The following ZCCHC14 variants were observed in gnomAD, a reference collection of about 807,000 sequenced individuals.
ZCCHC14 encodes the protein zinc finger CCHC-type containing 14, also known as zinc finger CCHC domain-containing protein 14.
A neutral mutation model predicts 85.0 loss-of-function variants in ZCCHC14; 16 were observed. That is an observed-to-expected ratio of 0.19 (90% CI 0.13 to 0.29). The LOEUF (loss-of-function observed/expected upper bound fraction) is 0.29. Among genes scored for constraint, ZCCHC14 ranks in the 10% least tolerant of loss-of-function variants. ZCCHC14 has a pLI of 1.00. For missense variants in ZCCHC14, 1,303 were observed against 1,443.5 expected, an observed-to-expected ratio of 0.90 and a Z score of 1.58; for synonymous variants, 775 against 630.7, an observed-to-expected ratio of 1.23 and a Z score of -3.43.
At chr16:87,443,520 G>C (rs1910284503) in intron 2 of ZCCHC14, among the ~76,000 whole-genome samples, 2 of 152,156 alleles carry the variant, frequency 1.3e-5, no homozygotes, top group Non-Finnish European at 1.5e-5. Context: ...AGAACTGCCT[G>C]AGCTGAGAAG....
chr16:87,437,555 G>A (rs1209737093), intron 2 of ZCCHC14, among the ~76,000 whole-genome samples: 1 of 152,214 alleles, frequency 6.6e-6, no homozygotes, highest in South Asian at 2.1e-4. Context: ...GGTCAGCACC[G>A]CACCCAGGCA....
At chr16:87,466,135 A>G (rs1462451281) in intron 1 of ZCCHC14, among the ~76,000 whole-genome samples, 1 of 144,674 alleles carries the variant, frequency 6.9e-6, no homozygotes, top group Non-Finnish European at 1.5e-5. Flanking sequence ...GCTTTTTTTT[A>G]AAAAAAGGTT....
intron 8 of ZCCHC14, among the ~76,000 whole-genome samples, chr16:87,416,309 T>C (rs1458145980): frequency 2.0e-5 from 3 of 152,328 alleles, no homozygotes; most frequent in South Asian, 2.1e-4. Context: ...GGCTACTCCA[T>C]TGTGTAGGCT....
intron 3 of ZCCHC14, among the ~76,000 whole-genome samples, chr16:87,429,107 C>A (rs1404737510): frequency 6.6e-6 from 1 of 152,166 alleles, no homozygotes; most frequent in South Asian, 2.1e-4. Flanking sequence ...TAAGAAACTG[C>A]CAGACTGTTT....
At chr16:87,454,408 C>T (rs1215097488) in intron 2 of ZCCHC14, among the ~76,000 whole-genome samples, 1 of 152,136 alleles carries the variant, frequency 6.6e-6, no homozygotes, top group African/African-American at 2.4e-5. Context: ...AGAAAAATGG[C>T]CCACGGCATA....
intron 2 of ZCCHC14, among the ~76,000 whole-genome samples, chr16:87,437,836 T>C (rs1223195217): frequency 6.6e-6 from 1 of 152,182 alleles, no homozygotes; most frequent in Non-Finnish European, 1.5e-5. Flanking sequence ...ACCAGTACTC[T>C]AACGTAGCAA....
At position 87,411,569 on chromosome 16, in the gene ZCCHC14, G is replaced by A. The variant is rs750201444; in HGVS notation, c.3152C>T (p.Thr1051Ile). Residue 1051 changes from threonine to isoleucine, a missense_variant, in exon 12 of 13, where the codon ACT (threonine) becomes ATT (isoleucine). By Grantham distance (89) the Thr-to-Ile change is moderately conservative. Coordinates refer to ENST00000671377, the MANE Select transcript of ZCCHC14 (RefSeq NM_015144.3). Reference sequence around the variant, plus strand: ...TTTGCAGTCCTGGGCGCGGTGACCAGTGGCCCCGCAGTTGTAACAAGATAG... The same window carrying A: ...TTTGCAGTCCTGGGCGCGGTGACCAATGGCCCCGCAGTTGTAACAAGATAG... Reference protein sequence around the residue: ...GNLSCYNCGATGHRAQDCKQP... With the variant: ...GNLSCYNCGAIGHRAQDCKQP... 6.2e-7 allele frequency: 1 copy of A among 1,613,740 alleles called. No homozygotes were observed. Among genetic ancestry groups the A allele is most frequent in the Non-Finnish European group, 8.5e-7 (1 of 1,180,032 alleles).
At position 87,419,852 on chromosome 16, in the gene ZCCHC14, C is replaced by T. The variant is rs1909000617; in HGVS notation, c.976G>A (p.Val326Met). Reference sequence around the variant, plus strand: ...CTCCTGACATGGTCATTTTTCAACACGTGAGAAGGTAATGAGGCCAGGTAC... The same window carrying T: ...CTCCTGACATGGTCATTTTTCAACATGTGAGAAGGTAATGAGGCCAGGTAC... ...LRYLASLPSH[V>M]LKNDHVRRFL... Residue 326 changes from valine to methionine, a missense_variant, in exon 6 of 13, where the codon GTG becomes ATG. Physicochemically the swap from Val to Met is conservative, Grantham distance 21. This residue lies in a region of ZCCHC14 where 389 missense variants were observed against 397.8 expected (regional missense o/e 0.98). Transcript: ENST00000671377. 1.2e-6 allele frequency: 2 copies of T among 1,612,178 alleles called. No individual in the cohort carries two copies. Among genetic ancestry groups the T allele is most frequent in the African/African-American group, 1.3e-5 (1 of 74,872 alleles).
chr16:87,414,666 T>C, intron 9 of ZCCHC14, 125 bp from the exon 10 acceptor site: 1 of 1,317,808 alleles, frequency 7.6e-7, no homozygotes, highest in South Asian at 1.5e-5. Flanking sequence ...TCGAGATGGG[T>C]CTACTCCACA....
intron 1 of ZCCHC14, chr16:87,467,159 A>G (rs1377767284): frequency 9.4e-6 from 12 of 1,271,692 alleles, no homozygotes; most frequent in Middle Eastern, 2.3e-4. Context: ...TGATAGATGA[A>G]AACTGTCTGC....
At chr16:87,475,469 C>T (rs1185375372) in intron 1 of ZCCHC14, among the ~76,000 whole-genome samples, 2 of 149,378 alleles carry the variant, frequency 1.3e-5, no homozygotes, top group East Asian at 2.0e-4. Context: ...AGGAGAATCG[C>T]TTGAACCCAG....
In ZCCHC14 at chr16:87,409,888, G is replaced by A. The variant is rs1908357418; in HGVS notation, c.*392C>T. 1 of 166,404 alleles carries A rather than the reference G, an allele frequency of 6.0e-6. No individual in the cohort carries two copies. Among genetic ancestry groups the A allele is most frequent in the African/African-American group, 2.4e-5 (1 of 41,956 alleles). The allele number at this position is 166,404 out of a possible 1,614,324, so 10.3% of individuals were successfully genotyped here. On this transcript the variant is annotated 3_prime_UTR_variant, in exon 13 of 13. Transcript: ENST00000671377. ...CAGGGGTGTCAGGAGTCCGGCGGGT[G>A]GAACTCCACTTGGAGAACTCCAAGC...
chr16:87,459,149 AAAAT>A (rs1325033725), intron 2 of ZCCHC14, among the ~76,000 whole-genome samples: 5 of 152,214 alleles, frequency 3.3e-5, no homozygotes, highest in African/African-American at 1.2e-4. Flanking sequence ...ACGTTAAAGA[AAAAT>A]AAAGACTCAG....
At position 87,409,741 on chromosome 16, in the gene ZCCHC14, C is replaced by T. The variant is rs1908351596; in HGVS notation, c.*539G>A. 1 of 152,670 alleles carries T rather than the reference C, an allele frequency of 6.6e-6. No homozygotes were observed. The highest frequency in any genetic ancestry group is 1.5e-5 in the Non-Finnish European group (1 of 68,100). The allele number at this position is 152,670 out of a possible 1,614,324, so 9.5% of individuals were successfully genotyped here. On this transcript the variant is annotated 3_prime_UTR_variant, in exon 13 of 13. Transcript: ENST00000671377. ...TGACTGTTCTCAGAGGAGTTTGGCT[C>T]CCAGAACCGCAGAGATTTACATCAG...
intron 1 of ZCCHC14, among the ~76,000 whole-genome samples, chr16:87,461,087 T>C (rs1911233487): frequency 6.6e-6 from 1 of 152,230 alleles, no homozygotes; most frequent in Non-Finnish European, 1.5e-5. Context: ...GCACAGACAG[T>C]GTACCTGCAG....
rs1362355541 is a variant in ZCCHC14 at position 87,409,899 on chromosome 16, TGGAGAACTCCAAGCTC to T, written c.*365_*380del. ...GGAGTCCGGCGGGTGGAACTCCACT[TGGAGAACTCCAAGCTC>T]GGTTCTCGATTCAGACCACGTGTAG... On this transcript the variant is annotated 3_prime_UTR_variant, in exon 13 of 13. Transcript: ENST00000671377. The T allele has an allele frequency of 5.9e-6, 1 of 169,594 alleles. No individual in the cohort carries two copies. The highest frequency in any genetic ancestry group is 1.6e-4 in the East Asian group (1 of 6,306). 10.5% of individuals were successfully genotyped at this position (169,594 alleles called of 1,614,324 possible).
chr16:87,452,403 G>A (rs1006449368), intron 2 of ZCCHC14, among the ~76,000 whole-genome samples: 4 of 152,316 alleles, frequency 2.6e-5, no homozygotes, highest in African/African-American at 9.6e-5. Flanking sequence ...CTTGGAGTCT[G>A]TAAGGGTCTC....
intron 2 of ZCCHC14, among the ~76,000 whole-genome samples, chr16:87,455,292 CCG>C (rs1910902889): frequency 2.7e-5 from 4 of 148,500 alleles, no homozygotes; most frequent in Admixed American, 6.7e-5. Flanking sequence ...CCGTCCCCCC[CCG>C]CCCCCGCAAA....
chr16:87,408,729 G>T lies in ZCCHC14; in HGVS notation c.*1551C>A, dbSNP rs1185659239. 6.6e-6 allele frequency: 1 copy of T among 152,406 alleles called. No homozygotes were observed. The highest frequency in any genetic ancestry group is 1.5e-5 in the Non-Finnish European group (1 of 68,028). The allele number at this position is 152,406 out of a possible 1,614,324, so 9.4% of individuals were successfully genotyped here. The stretch of plus-strand genomic sequence containing the variant: ...TTTAGTTTCTATGAAGTTAGGAACT[G>T]CTCTTCAAATTGAACGCTCACATCA... On this transcript the variant is annotated 3_prime_UTR_variant, in exon 13 of 13. Coordinates refer to ENST00000671377, the MANE Select transcript of ZCCHC14 (RefSeq NM_015144.3).
Sources: allele counts gnomAD v4.1 joint callset (sites outside exome capture counted in the v4.1 genomes callset), GRCh38; gene constraint gnomAD v4.1.1; regional missense constraint gnomAD v4.1.1; transcripts MANE v1.5; gene names NCBI Gene and HGNC (gene_info 2026-07-23, HGNC 2026-07-21).